PPP1CC: variants seen among roughly 807,000 people sequenced by gnomAD.
PPP1CC encodes the protein protein phosphatase 1 catalytic subunit gamma, also known as serine/threonine-protein phosphatase PP1-gamma catalytic subunit.
In PPP1CC, 16 loss-of-function variants were observed where a neutral mutation model predicts 38.4. The observed-to-expected ratio is 0.42, with a 90% CI of 0.28 to 0.63. PPP1CC has a LOEUF of 0.63. Among genes scored for constraint, PPP1CC ranks in the 30% least tolerant of loss-of-function variants. The pLI is 0.25. For missense variants in PPP1CC, 170 were observed against 391.3 expected, an observed-to-expected ratio of 0.43 and a Z score of 4.77; for synonymous variants, 158 against 136.0, an observed-to-expected ratio of 1.16 and a Z score of -1.13.
At chr12:110,713,804 A>G in the PPP1CC span, among the ~76,000 whole-genome samples, 1 of 152,186 alleles carries the variant, frequency 6.6e-6, no homozygotes, top group African/African-American at 2.4e-5. Flanking sequence ...GAGAATGCAG[A>G]TCACTTTCTC....
At chr12:110,740,123 T>C (rs2069999751) in intron 1 of PPP1CC, among the ~76,000 whole-genome samples, 1 of 152,198 alleles carries the variant, frequency 6.6e-6, no homozygotes, top group Non-Finnish European at 1.5e-5. Flanking sequence ...AGCTTTTTAG[T>C]ACTATTACTC....
At chr12:110,734,385 C>A (rs1224826814) in intron 1 of PPP1CC, among the ~76,000 whole-genome samples, 2 of 152,230 alleles carry the variant, frequency 1.3e-5, no homozygotes, top group East Asian at 3.9e-4. Flanking sequence ...CTCTTGTTGC[C>A]CAGGCTGGAG....
chr12:110,739,364 GTT>G (rs1248254497), intron 1 of PPP1CC, among the ~76,000 whole-genome samples: 1 of 141,874 alleles, frequency 7.0e-6, no homozygotes. Flanking sequence ...GATTACTTTT[GTT>G]TTTTTTTTTG....
the PPP1CC span, among the ~76,000 whole-genome samples, chr12:110,712,377 T>C: frequency 3.3e-5 from 5 of 151,130 alleles, no homozygotes; most frequent in Non-Finnish European, 4.4e-5. Context: ...TGGTGGTTCA[T>C]GCATGTCATC....
At chr12:110,727,389 T>C (rs1275820685) in intron 3 of PPP1CC, among the ~76,000 whole-genome samples, 1 of 152,168 alleles carries the variant, frequency 6.6e-6, no homozygotes, top group African/African-American at 2.4e-5. Flanking sequence ...TCTCTCTTCA[T>C]TTCCTCCCTA....
intron 1 of PPP1CC, among the ~76,000 whole-genome samples, chr12:110,733,396 T>C (rs756883604): frequency 1.2e-4 from 19 of 152,358 alleles, no homozygotes; most frequent in Middle Eastern, 6.8e-3. Context: ...AAATAGCTCA[T>C]ACCATATAAT....
At chr12:110,718,029 TTTGA>T (rs759635952), downstream of PPP1CC, among the ~76,000 whole-genome samples, 6 of 152,216 alleles carry the variant, frequency 3.9e-5, no homozygotes, top group Non-Finnish European at 7.4e-5. Context: ...CATTGAGAAA[TTTGA>T]TTGATATTCC....
At chr12:110,714,899 T>C (rs1161286823), downstream of PPP1CC, among the ~76,000 whole-genome samples, 1 of 151,054 alleles carries the variant, frequency 6.6e-6, no homozygotes, top group Non-Finnish European at 1.5e-5. Flanking sequence ...TTGAGGGGCT[T>C]GTGGAGCTGG....
At position 110,720,230 on chromosome 12, in the gene PPP1CC, G is replaced by A. The variant is rs2069722931; in HGVS notation, c.*846C>T. The A allele has an allele frequency of 6.6e-7, 1 of 1,508,100 alleles. No individual in the cohort carries two copies. Among genetic ancestry groups the A allele is most frequent in the Non-Finnish European group, 8.9e-7 (1 of 1,120,696 alleles). The allele number at this position is 1,508,100 out of a possible 1,614,324, so 93.4% of individuals were successfully genotyped here. A position where few individuals can be genotyped will look rare whatever the true frequency, so the allele number is the denominator to read the frequency against. On this transcript the variant is annotated 3_prime_UTR_variant, in exon 7 of 7. Coordinates refer to ENST00000335007, the MANE Select transcript of PPP1CC (RefSeq NM_002710.4). ...CTGTAAAAAGATTACTTAATGAATAGACTATATGGAAATTGTATAAAATGT... is the reference window on the plus strand; with the variant it reads ...CTGTAAAAAGATTACTTAATGAATAAACTATATGGAAATTGTATAAAATGT...
chr12:110,718,948 T>A (rs138897026), downstream of PPP1CC, among the ~76,000 whole-genome samples: 1 of 152,000 alleles, frequency 6.6e-6, no homozygotes, highest in Non-Finnish European at 1.5e-5. Flanking sequence ...ACTCCAATAA[T>A]GATATAATCC....
intron 1 of PPP1CC, among the ~76,000 whole-genome samples, chr12:110,740,635 A>C (rs2070007523): frequency 6.6e-6 from 1 of 152,330 alleles, no homozygotes; most frequent in South Asian, 2.1e-4. Context: ...TATTAATTTC[A>C]GCAAAAAATG....
chr12:110,708,914 C>G, the PPP1CC span, among the ~76,000 whole-genome samples: 2 of 151,146 alleles, frequency 1.3e-5, no homozygotes, highest in Non-Finnish European at 2.9e-5. Flanking sequence ...GATTTAAAGT[C>G]TAGGTTGATA....
intron 1 of PPP1CC, 181 bp from the exon 2 acceptor site, chr12:110,732,082 A>C: frequency 1.5e-6 from 1 of 651,548 alleles, no homozygotes; most frequent in Non-Finnish European, 2.5e-6. Context: ...ACAAGACTTA[A>C]TTGCATCTTC....
At chr12:110,733,879 G>A (rs753771688) in intron 1 of PPP1CC, among the ~76,000 whole-genome samples, 1 of 151,978 alleles carries the variant, frequency 6.6e-6, no homozygotes, top group Non-Finnish European at 1.5e-5. Context: ...CAACAAACAT[G>A]GTCTGAAAGC....
At chr12:110,710,211 G>T in the PPP1CC span, among the ~76,000 whole-genome samples, 1 of 152,024 alleles carries the variant, frequency 6.6e-6, no homozygotes. Context: ...TTCCCAAAGA[G>T]AATAGGAAAA....
At chr12:110,726,894 G>A (rs12424537) in intron 3 of PPP1CC, among the ~76,000 whole-genome samples, 1 of 152,184 alleles carries the variant, frequency 6.6e-6, no homozygotes, top group Non-Finnish European at 1.5e-5. Context: ...TGCTGTCTTA[G>A]CTCCCCAGTG....
downstream of PPP1CC, among the ~76,000 whole-genome samples, chr12:110,715,210 C>A (rs1262283453): frequency 2.6e-5 from 4 of 151,900 alleles, no homozygotes; most frequent in Admixed American, 6.6e-5. Flanking sequence ...AAGAGTTGCA[C>A]CAAATATGCA....
chr12:110,742,831 T>C lies in PPP1CC; in HGVS notation c.-124A>G, dbSNP rs879027237. ...CGGCGGTGGCAGCAGCCGCGGCGGG[T>C]CCCCCCCCTGCCACCCCGCTCCCTA... On this transcript the variant is annotated 5_prime_UTR_variant, in exon 1 of 7. Coordinates refer to ENST00000335007, the MANE Select transcript of PPP1CC (RefSeq NM_002710.4). 1 of 696,784 alleles carries C rather than the reference T, an allele frequency of 1.4e-6. No homozygotes were observed. The allele number at this position is 696,784 out of a possible 1,614,324, so 43.2% of individuals were successfully genotyped here. A position where few individuals can be genotyped will look rare whatever the true frequency, so the allele number is the denominator to read the frequency against.
At chr12:110,731,664 C>G in intron 2 of PPP1CC, 106 bp downstream of exon 2, 1 of 1,294,212 alleles carries the variant, frequency 7.7e-7, no homozygotes, top group South Asian at 1.7e-5. Context: ...CCAAGCTATT[C>G]GCAAACAGGA....
Sources: gnomAD v4.1 joint callset for allele counts (sites outside exome capture counted in the v4.1 genomes callset) on GRCh38, gnomAD v4.1.1 for gene constraint, MANE v1.5 for transcripts, NCBI Gene and HGNC (gene_info 2026-07-23, HGNC 2026-07-21) for gene names.